Variants in SEC22C observed in about 807,000 individuals in gnomAD.
SEC22C encodes the protein SEC22 homolog C, vesicle trafficking protein.
Under a neutral mutation model 34.7 loss-of-function variants are expected in SEC22C, and 29 were observed. That is an observed-to-expected ratio of 0.84 (90% CI 0.62 to 1.14). SEC22C has a LOEUF of 1.14. Among genes scored for constraint, SEC22C ranks in the 50% most tolerant of loss-of-function variants. The pLI is 0.00. For missense variants in SEC22C, 337 were observed against 369.0 expected (o/e 0.91, Z 0.71); for synonymous variants, 117 against 132.8 (o/e 0.88, Z 0.82).
chr3:42,568,230 A>G (rs1032360498), intron 2 of SEC22C, among the ~76,000 whole-genome samples: 2 of 151,922 alleles, frequency 1.3e-5, no homozygotes, highest in Non-Finnish European at 2.9e-5. Context: ...ATAATCTAGT[A>G]TCTCCTCCCT....
intron 1 of SEC22C, among the ~76,000 whole-genome samples, chr3:42,570,725 ACAAAAGGAATCAGGGGATTCCTTTTGTT>A (rs2125714831): frequency 6.6e-6 from 1 of 152,328 alleles, no homozygotes; most frequent in East Asian, 1.9e-4. Context: ...TCAAGGCACC[ACAAAAGGAATCAGGGGATTCCTTTTGTT>A]CTATCTTCTA....
chr3:42,571,215 C>T (rs977457757), intron 1 of SEC22C, among the ~76,000 whole-genome samples: 2 of 152,318 alleles, frequency 1.3e-5, no homozygotes, highest in African/African-American at 4.8e-5. Flanking sequence ...TTTTACCACT[C>T]TCTAAAGGAC....
chr3:42,548,567 C>A lies in SEC22C; in HGVS notation c.*4681G>T. On this transcript the variant is annotated 3_prime_UTR_variant, in exon 7 of 7. Coordinates refer to ENST00000264454, the MANE Select transcript of SEC22C (RefSeq NM_032970.4). ...CAGCAGAAGTTTGACATCACTGCTC[C>A]CGGATGGGAGAATCAGAGCTCTCCT... 5.0e-6 allele frequency: 8 copies of A among 1,609,404 alleles called. No individual in the cohort carries two copies. Among genetic ancestry groups the A allele is most frequent in the Non-Finnish European group, 6.8e-6 (8 of 1,176,954 alleles).
intron 1 of SEC22C, chr3:42,594,380 T>TA: frequency 6.5e-7 from 1 of 1,530,048 alleles, no homozygotes; most frequent in Non-Finnish European, 9.0e-7. Context: ...TCATGGTCGG[T>TA]AAAAACAAGC....
intron 5 of SEC22C, among the ~76,000 whole-genome samples, chr3:42,557,103 T>C (rs776111524): frequency 1.3e-4 from 20 of 152,232 alleles, no homozygotes; most frequent in Non-Finnish European, 2.4e-4. Flanking sequence ...GTAAGTTCCT[T>C]TGAAATGAGC....
At chr3:42,568,821 C>A (rs758213109) in intron 2 of SEC22C, 44 bp downstream of exon 2, 1 of 1,554,904 alleles carries the variant, frequency 6.4e-7, no homozygotes, top group Non-Finnish European at 8.9e-7. Flanking sequence ...TAAAAGTAAT[C>A]CAAATTTTGC....
chr3:42,568,077 AT>A (rs1214758609), intron 2 of SEC22C, among the ~76,000 whole-genome samples: 2 of 152,218 alleles, frequency 1.3e-5, no homozygotes, highest in African/African-American at 2.4e-5. Context: ...TGTCAAAAAA[AT>A]AAATAAATAA....
chr3:42,560,096 T>TTCTCTC (rs4016302), intron 4 of SEC22C, among the ~76,000 whole-genome samples: 48 of 138,698 alleles, frequency 3.5e-4, no homozygotes, highest in Non-Finnish European at 5.2e-4. Context: ...ATGATAAGGA[T>TTCTCTC]TCTCTCTCTC....
chr3:42,591,454 A>G, intron 1 of SEC22C: 1 of 1,179,032 alleles, frequency 8.5e-7, no homozygotes, highest in East Asian at 2.3e-5. Flanking sequence ...CGGCCTCCCA[A>G]AGGGCCGGGG....
At chr3:42,566,830 C>T in intron 2 of SEC22C, 1 of 427,812 alleles carries the variant, frequency 2.3e-6, no homozygotes, top group East Asian at 7.3e-5. Flanking sequence ...ATGGCAAGAC[C>T]TTGTCTCTAA....
In SEC22C at chr3:42,550,170, G is replaced by A; in HGVS notation, c.*3078C>T. The A allele has an allele frequency of 3.0e-6, 3 of 985,446 alleles. No homozygotes were observed. Among genetic ancestry groups the A allele is most frequent in the African/African-American group, 1.7e-5 (1 of 57,358 alleles). 61.0% of individuals were successfully genotyped at this position (985,446 alleles called of 1,614,324 possible). On this transcript the variant is annotated 3_prime_UTR_variant, in exon 7 of 7. Coordinates refer to ENST00000264454, the MANE Select transcript of SEC22C (RefSeq NM_032970.4). ...CACTCTGGCCTTGATACAGTAGATG[G>A]GACTTAACACACTCTGATGCTCAAG...
At chr3:42,595,089 C>T (rs973690714) in intron 1 of SEC22C, 1 of 152,142 alleles carries the variant, frequency 6.6e-6, no homozygotes, top group African/African-American at 2.4e-5. Context: ...TATATAAAAA[C>T]AATACTATTA....
In SEC22C at chr3:42,553,141, T is replaced by G; in HGVS notation, c.*107A>C. 6.7e-7 allele frequency: 1 copy of G among 1,497,884 alleles called. No homozygotes were observed. Among genetic ancestry groups the G allele is most frequent in the Non-Finnish European group, 8.8e-7 (1 of 1,131,930 alleles). The allele number at this position is 1,497,884 out of a possible 1,614,324, so 92.8% of individuals were successfully genotyped here. A position where few individuals can be genotyped will look rare whatever the true frequency, so the allele number is the denominator to read the frequency against. On this transcript the variant is annotated 3_prime_UTR_variant, in exon 7 of 7. Transcript: ENST00000264454. Reference sequence around the variant, plus strand: ...CCCAATTCCTGGTTTTTCAGTCCAGTTGGCTGAAAAGGATGGAAACTGGAG... The same window carrying G: ...CCCAATTCCTGGTTTTTCAGTCCAGGTGGCTGAAAAGGATGGAAACTGGAG...
chr3:42,598,809 G>T (rs972770051), intron 1 of SEC22C, among the ~76,000 whole-genome samples: 2 of 151,530 alleles, frequency 1.3e-5, no homozygotes, highest in Admixed American at 6.6e-5. Flanking sequence ...TTCTGTGGAC[G>T]GATGGGAGGT....
intron 4 of SEC22C, among the ~76,000 whole-genome samples, chr3:42,560,132 AT>A (rs1463474381): frequency 6.9e-5 from 10 of 145,586 alleles, no homozygotes; most frequent in Admixed American, 2.8e-4. Flanking sequence ...ATATATATAT[AT>A]ATATAAATAA....
At chr3:42,577,485 T>A (rs781453875) in intron 1 of SEC22C, among the ~76,000 whole-genome samples, 1 of 152,132 alleles carries the variant, frequency 6.6e-6, no homozygotes, top group Non-Finnish European at 1.5e-5. Flanking sequence ...ACAAAGAGGA[T>A]ATATGGATGG....
At chr3:42,590,995 G>GCGGT (rs1469244186) in intron 1 of SEC22C, 2 of 349,594 alleles carry the variant, frequency 5.7e-6, no homozygotes, top group Non-Finnish European at 1.1e-5. Context: ...GGGCGGGCGG[G>GCGGT]CGGAGAGAAG....
intron 4 of SEC22C, among the ~76,000 whole-genome samples, chr3:42,558,204 T>A (rs1035893020): frequency 2.0e-5 from 3 of 151,938 alleles, no homozygotes; most frequent in Non-Finnish European, 2.9e-5. Flanking sequence ...CCTAAAACAA[T>A]TTTTGGCACA....
In SEC22C at chr3:42,548,452, C is replaced by G. The variant is rs987622130; in HGVS notation, c.*4796G>C. 2 of 747,148 alleles carry G rather than the reference C, an allele frequency of 2.7e-6. No homozygotes were observed. Among genetic ancestry groups the G allele is most frequent in the South Asian group, 1.7e-5 (1 of 58,220 alleles). 46.3% of individuals were successfully genotyped at this position (747,148 alleles called of 1,614,324 possible). ...GTGGGCAACAGCTCTGCCATCAATACACATGGGCAGATGTTTCCGAATCCA... is the reference window on the plus strand; with the variant it reads ...GTGGGCAACAGCTCTGCCATCAATAGACATGGGCAGATGTTTCCGAATCCA... On this transcript the variant is annotated 3_prime_UTR_variant, in exon 7 of 7. Transcript: ENST00000264454.
Sources: allele counts gnomAD v4.1 joint callset (sites outside exome capture counted in the v4.1 genomes callset), GRCh38; gene constraint gnomAD v4.1.1; transcripts MANE v1.5; gene names NCBI Gene and HGNC (gene_info 2026-07-23, HGNC 2026-07-21).